Variants in SPIDR observed in about 807,000 individuals in gnomAD.
SPIDR encodes scaffold protein involved in DNA repair, also known as DNA repair-scaffolding protein.
A neutral mutation model predicts 104.6 loss-of-function variants in SPIDR; 93 were observed. The ratio of observed to expected loss-of-function variants is 0.89; its 90% CI spans 0.75 to 1.06. SPIDR has a LOEUF of 1.06. SPIDR is among the 50% of genes least tolerant of loss of function. SPIDR has a pLI of 0.00. For synonymous variants in SPIDR, 431 were observed against 416.9 expected (o/e 1.03, Z -0.41); for missense variants, 1,154 against 1,111.2 (o/e 1.04, Z -0.55).
At chr8:47,272,200 C>T (rs907995345) in intron 1 of SPIDR, among the ~76,000 whole-genome samples, 112 of 152,228 alleles carry the variant, frequency 7.4e-4, no homozygotes, top group Non-Finnish European at 1.2e-3. Context: ...CTCGTGGCCT[C>T]GGGTGATACA....
intron 5 of SPIDR, among the ~76,000 whole-genome samples, chr8:47,299,876 C>A (rs1186118784): frequency 6.6e-6 from 1 of 152,182 alleles, no homozygotes; most frequent in Admixed American, 6.5e-5. Context: ...AGGATTTTTG[C>A]ATCGATGTTC....
intron 8 of SPIDR, chr8:47,512,233 G>A (rs919538211): frequency 6.3e-5 from 20 of 317,918 alleles, no homozygotes; most frequent in Admixed American, 3.5e-4. Context: ...TCCTGAGAGG[G>A]AGCTTAGCGA....
intron 8 of SPIDR, among the ~76,000 whole-genome samples, chr8:47,499,948 C>T (rs920909349): frequency 1.3e-5 from 2 of 152,136 alleles, no homozygotes; most frequent in Non-Finnish European, 2.9e-5. Flanking sequence ...CAGCTTCATC[C>T]ATATCCCTAC....
At position 47,331,477 on chromosome 8, in the gene SPIDR, C is replaced by T. The variant is rs190783101; in HGVS notation, c.525+37447C>T. Among the ~76,000 whole-genome samples the T allele has an allele frequency of 2.0e-4, 30 of 152,174 alleles. 1 individual carries two copies. The highest frequency in any genetic ancestry group is 1.8e-3 in the Admixed American group (27 of 15,280). ...AACACAAAGGTAGTTATTTATGTATCTAAGCATAGAAAAGGTACATTATAA... is the reference window on the plus strand; with the variant it reads ...AACACAAAGGTAGTTATTTATGTATTTAAGCATAGAAAAGGTACATTATAA... On this transcript the variant is annotated intron_variant, in intron 5 of 19. Transcript: ENST00000297423.
At chr8:47,499,738 G>A (rs2080065403) in intron 8 of SPIDR, among the ~76,000 whole-genome samples, 1 of 151,956 alleles carries the variant, frequency 6.6e-6, no homozygotes, top group Non-Finnish European at 1.5e-5. Flanking sequence ...GCTACACCCA[G>A]TAACTCGTCA....
intron 8 of SPIDR, among the ~76,000 whole-genome samples, chr8:47,526,811 A>G (rs1363257404): frequency 6.6e-6 from 1 of 152,194 alleles, no homozygotes; most frequent in Non-Finnish European, 1.5e-5. Flanking sequence ...AGTTGAACAA[A>G]CTAAAAATCA....
At chr8:47,563,343 T>C (rs905152125) in intron 8 of SPIDR, among the ~76,000 whole-genome samples, 3 of 147,016 alleles carry the variant, frequency 2.0e-5, no homozygotes, top group Non-Finnish European at 4.5e-5. Context: ...CTCATTTTTC[T>C]TTTTTTTTTA....
chr8:47,552,165 T>A (rs1185891556), intron 8 of SPIDR, among the ~76,000 whole-genome samples: 2 of 152,308 alleles, frequency 1.3e-5, no homozygotes, highest in African/African-American at 4.8e-5. Flanking sequence ...TTCTTTTACA[T>A]TTGCTGAGGA....
chr8:47,412,284 T>G (rs2063643779), intron 7 of SPIDR, among the ~76,000 whole-genome samples: 1 of 152,208 alleles, frequency 6.6e-6, no homozygotes, highest in African/African-American at 2.4e-5. Context: ...TTCCTACCCA[T>G]GAGCATTTAA....
intron 5 of SPIDR, among the ~76,000 whole-genome samples, chr8:47,329,017 G>A (rs984982453): frequency 1.3e-5 from 2 of 151,134 alleles, no homozygotes; most frequent in African/African-American, 4.9e-5. Flanking sequence ...AGCAATTCTC[G>A]TGCCTCAGTC....
intron 5 of SPIDR, among the ~76,000 whole-genome samples, chr8:47,307,690 C>T (rs1387603247): frequency 6.6e-6 from 1 of 151,860 alleles, no homozygotes; most frequent in Non-Finnish European, 1.5e-5. Flanking sequence ...AGGCGTGTGC[C>T]ACCATGCCCG....
At chr8:47,395,152 C>T (rs2130879) in intron 5 of SPIDR, among the ~76,000 whole-genome samples, 84,207 of 151,604 alleles carry the variant, frequency 0.56, 25,796 homozygotes, top group East Asian at 0.72. Flanking sequence ...AGTTCGAGAC[C>T]AGCCTGGCCA....
chr8:47,401,171 G>C (rs2061834568), intron 6 of SPIDR, among the ~76,000 whole-genome samples: 1 of 152,108 alleles, frequency 6.6e-6, no homozygotes, highest in Non-Finnish European at 1.5e-5. Context: ...AATAGAGTGG[G>C]GGGCCAATAT....
At chr8:47,325,188 TAAGCAAAA>T (rs533402021) in intron 5 of SPIDR, among the ~76,000 whole-genome samples, 4 of 152,322 alleles carry the variant, frequency 2.6e-5, no homozygotes, top group African/African-American at 9.6e-5. Flanking sequence ...TTTTATTTTT[TAAGCAAAA>T]AAATAAGTTT....
intron 8 of SPIDR, among the ~76,000 whole-genome samples, chr8:47,593,836 C>T (rs1044167019): frequency 6.6e-6 from 1 of 152,114 alleles, no homozygotes; most frequent in African/African-American, 2.4e-5. Flanking sequence ...GCCAGGGAAG[C>T]CTTGTTGCTG....
intron 10 of SPIDR, among the ~76,000 whole-genome samples, chr8:47,650,526 G>A (rs2071421145): frequency 6.6e-6 from 1 of 152,138 alleles, no homozygotes; most frequent in Non-Finnish European, 1.5e-5. Flanking sequence ...AAATGGTCGT[G>A]CTGCCCAAAG....
intron 8 of SPIDR, among the ~76,000 whole-genome samples, chr8:47,578,105 GACTAC>G (rs1462389271): frequency 4.6e-5 from 7 of 152,176 alleles, no homozygotes; most frequent in African/African-American, 1.7e-4. Context: ...TTTCTTTCAA[GACTAC>G]ACTATGCACT....
rs797035462 is a variant in SPIDR, at chr8:47,271,043, G to C, written c.34-8819G>C. 3.5e-3 allele frequency among the ~76,000 whole-genome samples: 539 copies of C among 152,186 alleles called. 5 individuals carry two copies. The highest frequency in any genetic ancestry group is 0.012 in the African/African-American group (496 of 41,508). On this transcript the variant is annotated intron_variant, in intron 1 of 19. Transcript: ENST00000297423. ...GTATTCTGCTGTTCCTCAGGGTAGG[G>C]GGGTGTCTTCATGGTTTCTGTCAAG...
chr8:47,603,594 C>T (rs768825782), intron 10 of SPIDR, among the ~76,000 whole-genome samples: 7 of 149,328 alleles, frequency 4.7e-5, no homozygotes, highest in Non-Finnish European at 1.0e-4. Flanking sequence ...GATAGGGTCT[C>T]ACTCTGTTGC....
Sources: allele counts gnomAD v4.1 joint callset (sites outside exome capture counted in the v4.1 genomes callset), GRCh38; gene constraint gnomAD v4.1.1; transcripts MANE v1.5; gene names NCBI Gene and HGNC (gene_info 2026-07-23, HGNC 2026-07-21).